The following SEMA6D variants were observed in gnomAD, a reference collection of about 807,000 sequenced individuals.
SEMA6D encodes semaphorin-6D.
A neutral mutation model predicts 106.6 loss-of-function variants in SEMA6D; 35 were observed. The observed-to-expected ratio is 0.33, with a 90% confidence interval of 0.25 to 0.44. The LOEUF (loss-of-function observed/expected upper bound fraction) is 0.44. Among genes scored for constraint, SEMA6D ranks in the 20% least tolerant of loss-of-function variants. The probability of loss-of-function intolerance (pLI) is 1.00; values close to 1 mark genes in which losing one functional copy is unlikely to be tolerated. For synonymous variants in SEMA6D, 499 were observed against 487.7 expected, an observed-to-expected ratio of 1.02 and a Z score of -0.31; for missense variants, 1,185 against 1,345.9, an observed-to-expected ratio of 0.88 and a Z score of 1.87.
intron 1 of SEMA6D, among the ~76,000 whole-genome samples, chr15:47,393,028 C>T (rs1293621229): frequency 6.6e-6 from 1 of 152,208 alleles, no homozygotes; most frequent in Non-Finnish European, 1.5e-5. Flanking sequence ...CAGTTGGCCT[C>T]TACAAATGGC....
chr15:47,290,624 A>T (rs1028234782), intron 1 of SEMA6D, among the ~76,000 whole-genome samples: 2 of 17,382 alleles, frequency 1.2e-4, no homozygotes, highest in Admixed American at 2.5e-3. Flanking sequence ...AATTATATAT[A>T]TATATACACA....
At chr15:47,224,329 T>A (rs914446628) in intron 1 of SEMA6D, among the ~76,000 whole-genome samples, 5 of 152,090 alleles carry the variant, frequency 3.3e-5, no homozygotes, top group African/African-American at 1.2e-4. Flanking sequence ...TTGGAATTGA[T>A]TCTTTTTCTA....
chr15:47,660,869 T>C (rs1222477314), intron 4 of SEMA6D, among the ~76,000 whole-genome samples: 1 of 152,176 alleles, frequency 6.6e-6, no homozygotes, highest in African/African-American at 2.4e-5. Flanking sequence ...GAAAATAATT[T>C]GAAAAGCAAG....
intron 2 of SEMA6D, among the ~76,000 whole-genome samples, chr15:47,437,448 A>G (rs1051708545): frequency 3.3e-4 from 50 of 152,284 alleles, no homozygotes; most frequent in South Asian, 6.2e-4. Flanking sequence ...TTGAATACTC[A>G]GTTCCTGCTG....
At chr15:47,755,935 G>C (rs1055541324) in intron 1 of SEMA6D, among the ~76,000 whole-genome samples, 1 of 151,694 alleles carries the variant, frequency 6.6e-6, no homozygotes, top group Non-Finnish European at 1.5e-5. Flanking sequence ...CAAATGCTGA[G>C]TATGGGACTA....
intron 1 of SEMA6D, chr15:47,399,643 C>A (rs1469117230): frequency 6.6e-6 from 1 of 152,214 alleles, no homozygotes; most frequent in Non-Finnish European, 1.5e-5. Flanking sequence ...CTCAGCAAGG[C>A]TGACCCTAAC....
intron 4 of SEMA6D, among the ~76,000 whole-genome samples, chr15:47,666,436 T>C (rs537969471): frequency 3.3e-5 from 5 of 152,326 alleles, no homozygotes; most frequent in Non-Finnish European, 4.4e-5. Flanking sequence ...ATCTCCTGCT[T>C]AGTCACCAAC....
chr15:47,548,532 A>G (rs1268617774), intron 3 of SEMA6D, among the ~76,000 whole-genome samples: 1 of 152,138 alleles, frequency 6.6e-6, no homozygotes. Flanking sequence ...CACAGAACTC[A>G]GGAGACTGAG....
At chr15:47,517,813 A>G (rs1377224297) in intron 3 of SEMA6D, among the ~76,000 whole-genome samples, 3 of 152,206 alleles carry the variant, frequency 2.0e-5, no homozygotes, top group Non-Finnish European at 4.4e-5. Context: ...CTTAACAAGT[A>G]ATGAAAGTGC....
chr15:47,640,271 C>T (rs2077464879), intron 4 of SEMA6D, among the ~76,000 whole-genome samples: 1 of 152,176 alleles, frequency 6.6e-6, no homozygotes, highest in Non-Finnish European at 1.5e-5. Context: ...CACGAGTCCT[C>T]GCACCATCTG....
chr15:47,382,475 C>A (rs1266430954), intron 1 of SEMA6D, among the ~76,000 whole-genome samples: 2 of 152,062 alleles, frequency 1.3e-5, no homozygotes, highest in Non-Finnish European at 2.9e-5. Flanking sequence ...CCACTGCACT[C>A]CAGCCTGGGT....
intron 1 of SEMA6D, among the ~76,000 whole-genome samples, chr15:47,741,175 C>T (rs1436547091): frequency 3.3e-5 from 5 of 152,180 alleles, no homozygotes; most frequent in Admixed American, 6.5e-5. Flanking sequence ...TTCTCTGCTG[C>T]AGGGATTAAG....
At chr15:47,229,105 A>G (rs939673921) in intron 1 of SEMA6D, among the ~76,000 whole-genome samples, 1 of 151,942 alleles carries the variant, frequency 6.6e-6, no homozygotes, top group African/African-American at 2.4e-5. Flanking sequence ...TGGTCTACTG[A>G]CTCCAACATG....
At chr15:47,462,400 A>G (rs2042541534) in intron 2 of SEMA6D, among the ~76,000 whole-genome samples, 1 of 152,136 alleles carries the variant, frequency 6.6e-6, no homozygotes, top group African/African-American at 2.4e-5. Flanking sequence ...TCTGGAAGGC[A>G]AATGCTTCAT....
rs777824932 is a variant in SEMA6D, at chr15:47,770,634, G to T, written c.2071G>T (p.Val691Phe). The T allele has an allele frequency of 6.2e-7, 1 of 1,614,038 alleles. No homozygotes were observed. The highest frequency in any genetic ancestry group is 2.2e-5 in the East Asian group (1 of 44,868). Residue 691 changes from valine to phenylalanine, a missense_variant, in exon 19 of 19, where the codon GTT (valine) becomes TTT (phenylalanine). Val to Phe is a conservative substitution (Grantham distance 50). Around this residue, in one of 3 missense-constraint regions of SEMA6D, gnomAD observed 750 missense variants for 783.5 expected, o/e 0.96. Transcript: ENST00000536845. ...VAVYCYRDMFVRKNRKIHKDA... is the reference protein window; with the variant it reads ...VAVYCYRDMFFRKNRKIHKDA... ...AGTATACTGCTATCGAGACATGTTT[G>T]TTCGGAAAAACAGAAAGATCCATAA...
chr15:47,732,992 TGA>T (rs2080222733), intron 1 of SEMA6D, among the ~76,000 whole-genome samples: 1 of 152,214 alleles, frequency 6.6e-6, no homozygotes, highest in African/African-American at 2.4e-5. Flanking sequence ...TTTTATCTCT[TGA>T]GAGGTGGAGA....
chr15:47,764,356 A>T (rs2082222414), intron 11 of SEMA6D, 51 bp downstream of exon 11: 1 of 1,577,618 alleles, frequency 6.3e-7, no homozygotes, highest in African/African-American at 1.4e-5. Flanking sequence ...CCTTCCGGTC[A>T]TTGGAAGCAT....
intron 1 of SEMA6D, among the ~76,000 whole-genome samples, chr15:47,212,800 G>C (rs1490985732): frequency 6.6e-6 from 1 of 151,756 alleles, no homozygotes; most frequent in Admixed American, 6.6e-5. Flanking sequence ...AGTGTGGCAT[G>C]AGGTGTCAGG....
intron 3 of SEMA6D, among the ~76,000 whole-genome samples, chr15:47,526,371 G>A (rs1205637503): frequency 2.0e-5 from 3 of 152,132 alleles, no homozygotes; most frequent in Non-Finnish European, 4.4e-5. Context: ...GCTGAATACC[G>A]AACAGCATCT....
Sources: gnomAD v4.1 joint callset for allele counts (sites outside exome capture counted in the v4.1 genomes callset) on GRCh38, gnomAD v4.1.1 for gene constraint, gnomAD v4.1.1 regional missense constraint, MANE v1.5 for transcripts, NCBI Gene and HGNC (gene_info 2026-07-23, HGNC 2026-07-21) for gene names.